The following PARD3 variants were observed in gnomAD, a reference collection of about 807,000 sequenced individuals.
The protein encoded by PARD3 is par-3 family cell polarity regulator.
Under a neutral mutation model 155.4 loss-of-function variants are expected in PARD3, and 75 were observed. The ratio of observed to expected loss-of-function variants is 0.48; its 90% confidence interval spans 0.40 to 0.58. PARD3 has a LOEUF of 0.58. Among genes scored for constraint, PARD3 ranks in the 20% least tolerant of loss-of-function variants. The pLI, the probability that PARD3 is intolerant of heterozygous loss-of-function variation, is 0.00. For synonymous variants in PARD3, 576 were observed against 610.5 expected (o/e 0.94, Z 0.83); for missense variants, 1,642 against 1,721.7 (o/e 0.95, Z 0.82).
intron 1 of PARD3, among the ~76,000 whole-genome samples, chr10:34,705,684 T>C (rs1238957789): frequency 6.6e-6 from 1 of 152,090 alleles, no homozygotes; most frequent in African/African-American, 2.4e-5. Context: ...AGGGAGGGAC[T>C]AATATCTCAT....
intron 2 of PARD3, among the ~76,000 whole-genome samples, chr10:34,527,958 T>C (rs2133767539): frequency 6.6e-6 from 1 of 152,356 alleles, no homozygotes; most frequent in South Asian, 2.1e-4. Context: ...ACAATACTGA[T>C]TAAATTAGGC....
intron 23 of PARD3, among the ~76,000 whole-genome samples, chr10:34,123,151 A>C (rs900010977): frequency 6.6e-6 from 1 of 152,198 alleles, no homozygotes; most frequent in African/African-American, 2.4e-5. Context: ...ATAAAAAAAA[A>C]ACATGGCTGC....
At chr10:34,140,410 G>A (rs577632818) in intron 22 of PARD3, among the ~76,000 whole-genome samples, 29 of 152,292 alleles carry the variant, frequency 1.9e-4, no homozygotes, top group African/African-American at 6.5e-4. Flanking sequence ...AAAGCACACG[G>A]TGTGCCTCCT....
intron 22 of PARD3, among the ~76,000 whole-genome samples, chr10:34,240,319 A>G (rs1034655714): frequency 2.0e-4 from 30 of 152,212 alleles, no homozygotes; most frequent in African/African-American, 7.0e-4. Context: ...CTGAGTAAGT[A>G]CAGATGTGCA....
intron 22 of PARD3, among the ~76,000 whole-genome samples, chr10:34,202,269 C>T (rs1452644459): frequency 2.0e-5 from 3 of 152,188 alleles, no homozygotes; most frequent in African/African-American, 7.2e-5. Context: ...GATGGGATCT[C>T]ACTATGTTGC....
chr10:34,317,961 T>C (rs1267953408), intron 19 of PARD3, among the ~76,000 whole-genome samples: 1 of 152,230 alleles, frequency 6.6e-6, no homozygotes, highest in African/African-American at 2.4e-5. Flanking sequence ...AATGCTACTA[T>C]ATATTCTAAT....
At position 34,411,450 on chromosome 10, in the gene PARD3, T is replaced by C. The variant is rs1040825334; in HGVS notation, c.715-9533A>G. Among the ~76,000 whole-genome samples the C allele has an allele frequency of 2.0e-5, 3 of 151,792 alleles. No homozygotes were observed. In the South Asian group the frequency reaches 6.2e-4, roughly 31 times the overall value. ...TCCTCCCTAATGTGGGTGAGCATCATCCAATCATTTGGAGACCTGAATAGA... is the reference window on the plus strand; with the variant it reads ...TCCTCCCTAATGTGGGTGAGCATCACCCAATCATTTGGAGACCTGAATAGA... On this transcript the variant is annotated intron_variant, in intron 5 of 24. Coordinates refer to ENST00000374788, the MANE Select transcript of PARD3 (RefSeq NM_001184785.2).
At chr10:34,717,920 G>C (rs551251513) in intron 1 of PARD3, among the ~76,000 whole-genome samples, 1 of 152,118 alleles carries the variant, frequency 6.6e-6, no homozygotes, top group Admixed American at 6.5e-5. Flanking sequence ...CTGGGAGGCC[G>C]AGATGGGTGG....
chr10:34,431,490 C>T (rs1226385625), intron 5 of PARD3, among the ~76,000 whole-genome samples: 2 of 152,118 alleles, frequency 1.3e-5, no homozygotes, highest in East Asian at 3.9e-4. Flanking sequence ...GCCTGTAATC[C>T]CAGCACTTTG....
At chr10:34,298,877 G>C (rs184406864) in intron 20 of PARD3, among the ~76,000 whole-genome samples, 6 of 152,320 alleles carry the variant, frequency 3.9e-5, no homozygotes, top group African/African-American at 1.2e-4. Flanking sequence ...CCAATCCCCA[G>C]ACTTAATGAG....
intron 2 of PARD3, among the ~76,000 whole-genome samples, chr10:34,524,175 A>G (rs1044507186): frequency 6.6e-6 from 1 of 152,184 alleles, no homozygotes; most frequent in Non-Finnish European, 1.5e-5. Context: ...ATCTTTAATA[A>G]AGCCATTTCC....
intron 20 of PARD3, among the ~76,000 whole-genome samples, chr10:34,297,062 T>C (rs552291316): frequency 1.1e-4 from 17 of 152,266 alleles, no homozygotes; most frequent in Admixed American, 8.5e-4. Context: ...GGCTCACAAC[T>C]GGAATTCCAG....
intron 20 of PARD3, among the ~76,000 whole-genome samples, chr10:34,293,036 A>C (rs1312036828): frequency 6.6e-6 from 1 of 151,532 alleles, no homozygotes; most frequent in Non-Finnish European, 1.5e-5. Context: ...AATCACCACA[A>C]ACTCCACAGA....
At chr10:34,269,936 T>C in intron 21 of PARD3, 37 bp from the exon 22 acceptor site, 2 of 1,597,860 alleles carry the variant, frequency 1.3e-6, no homozygotes, top group Non-Finnish European at 1.7e-6. Flanking sequence ...AAGAGAAACC[T>C]TTCCTTTTTT....
chr10:34,770,474 C>T (rs1416115533), intron 1 of PARD3, among the ~76,000 whole-genome samples: 5 of 152,184 alleles, frequency 3.3e-5, no homozygotes. Context: ...GTAACTTGCT[C>T]CCAGACTTTT....
chr10:34,531,570 A>G (rs187793909), intron 2 of PARD3, among the ~76,000 whole-genome samples: 1 of 152,204 alleles, frequency 6.6e-6, no homozygotes, highest in Non-Finnish European at 1.5e-5. Flanking sequence ...GGTATTTCAC[A>G]AAAGTACAAG....
In PARD3 at chr10:34,331,240, G is replaced by C. The variant is rs139203609; in HGVS notation, c.2710C>G (p.Pro904Ala). The C allele has an allele frequency of 1.2e-6, 2 of 1,613,828 alleles. No individual in the cohort carries two copies. Among genetic ancestry groups the C allele is most frequent in the Non-Finnish European group, 1.7e-6 (2 of 1,179,950 alleles). The change falls in exon 19 of 25, where the codon CCT becomes GCT. Residue 904 changes from proline (P) to alanine (A), a missense_variant. Transcript: ENST00000374788. ...ATCCGCGGCCGTGGACGATGGAAAG[G>C]AATATCCCCATTCAAAGTCACCTCG... ...VAEVTLNGDI[P>A]FHRPRPRIIR... is the part of the protein sequence containing the mutation.
At chr10:34,789,119 C>T (rs1841338132) in intron 1 of PARD3, among the ~76,000 whole-genome samples, 1 of 152,180 alleles carries the variant, frequency 6.6e-6, no homozygotes, top group Non-Finnish European at 1.5e-5. Flanking sequence ...TAATGAAGTG[C>T]TATACGACCT....
intron 2 of PARD3, among the ~76,000 whole-genome samples, chr10:34,652,069 G>A (rs1269239200): frequency 1.3e-5 from 2 of 152,146 alleles, no homozygotes; most frequent in African/African-American, 4.8e-5. Flanking sequence ...AAGCAAGCTG[G>A]CTGGAATTTG....
Sources: allele counts gnomAD v4.1 joint callset (sites outside exome capture counted in the v4.1 genomes callset), GRCh38; gene constraint gnomAD v4.1.1; transcripts MANE v1.5; gene names NCBI Gene and HGNC (gene_info 2026-07-23, HGNC 2026-07-21).